The following CNGA1 variants were observed in gnomAD, a reference collection of about 807,000 sequenced individuals.
CNGA1 encodes the protein cyclic nucleotide gated channel subunit alpha 1.
In CNGA1, 53 loss-of-function variants were observed where a neutral mutation model predicts 69.7. The ratio of observed to expected loss-of-function variants is 0.76; its 90% CI spans 0.61 to 0.96. The LOEUF (loss-of-function observed/expected upper bound fraction) is 0.96. Among genes scored for constraint, CNGA1 ranks in the 40% least tolerant of loss-of-function variants. CNGA1 has a pLI of 0.00. For synonymous variants in CNGA1, 249 were observed against 283.5 expected (o/e 0.88, Z 1.22); for missense variants, 739 against 811.2 (o/e 0.91, Z 1.08).
chr4:47,941,953 G>C, intron 9 of CNGA1, 88 bp downstream of exon 9: 2 of 772,118 alleles, frequency 2.6e-6, no homozygotes, highest in Admixed American at 2.1e-5. Flanking sequence ...TGTCCTAAAG[G>C]GCTCTAAGTC....
intron 1 of CNGA1, among the ~76,000 whole-genome samples, chr4:48,013,464 C>T (rs1472942222): frequency 6.6e-6 from 1 of 152,194 alleles, no homozygotes; most frequent in Admixed American, 6.5e-5. Flanking sequence ...TTGGTTCTGT[C>T]TGGAAAGACG....
chr4:47,949,231 T>C (rs1347935162), intron 6 of CNGA1, among the ~76,000 whole-genome samples: 4 of 152,198 alleles, frequency 2.6e-5, no homozygotes, highest in Admixed American at 2.6e-4. Context: ...GAAACCACCA[T>C]GCTCCATCCA....
At chr4:48,016,441 GGCCTCAGTGCA>G in intron 1 of CNGA1, 31 bp downstream of exon 1, 1 of 224,028 alleles carries the variant, frequency 4.5e-6, no homozygotes, top group Non-Finnish European at 8.7e-6. Flanking sequence ...GCCAGAAGGG[GGCCTCAGTGCA>G]GCCTCCACTC....
intron 2 of CNGA1, among the ~76,000 whole-genome samples, chr4:47,983,345 C>G (rs1239808778): frequency 6.6e-6 from 1 of 151,980 alleles, no homozygotes; most frequent in Non-Finnish European, 1.5e-5. Flanking sequence ...AATCCCAGCA[C>G]TTTGGGAGGC....
chr4:48,014,035 C>T (rs369972721), intron 1 of CNGA1, among the ~76,000 whole-genome samples: 2 of 152,220 alleles, frequency 1.3e-5, no homozygotes, highest in African/African-American at 2.4e-5. Context: ...ACCATCACCC[C>T]TGGGTCTAAG....
intron 3 of CNGA1, among the ~76,000 whole-genome samples, chr4:47,959,794 C>T (rs1405486057): frequency 6.6e-6 from 1 of 151,996 alleles, no homozygotes; most frequent in African/African-American, 2.4e-5. Flanking sequence ...TTAGTAGAGT[C>T]GGGGTTTCAC....
intron 2 of CNGA1, among the ~76,000 whole-genome samples, chr4:47,986,043 G>A (rs909309178): frequency 1.3e-5 from 2 of 152,178 alleles, no homozygotes; most frequent in Non-Finnish European, 2.9e-5. Flanking sequence ...GAGCTTTGCA[G>A]CATATTGCTG....
intron 3 of CNGA1, among the ~76,000 whole-genome samples, chr4:47,964,750 T>C (rs1157490233): frequency 6.6e-6 from 1 of 152,124 alleles, no homozygotes; most frequent in Non-Finnish European, 1.5e-5. Flanking sequence ...ATTAAAATCA[T>C]AGAATAAATT....
chr4:47,989,932 A>C (rs934504600), intron 2 of CNGA1, among the ~76,000 whole-genome samples: 1 of 151,704 alleles, frequency 6.6e-6, no homozygotes, highest in Non-Finnish European at 1.5e-5. Context: ...GACATTTATT[A>C]GTTCCCAGAA....
chr4:47,988,311 G>A (rs1001107254), intron 2 of CNGA1, among the ~76,000 whole-genome samples: 1 of 151,994 alleles, frequency 6.6e-6, no homozygotes, highest in Non-Finnish European at 1.5e-5. Context: ...AGGCATTGTA[G>A]GCTTTTTTCT....
At chr4:47,992,757 T>G (rs943083132) in intron 2 of CNGA1, among the ~76,000 whole-genome samples, 1 of 151,980 alleles carries the variant, frequency 6.6e-6, no homozygotes, top group African/African-American at 2.4e-5. Flanking sequence ...GTGGGCATCC[T>G]TGTCTTGTTC....
chr4:48,014,263 G>A (rs1208979490), intron 1 of CNGA1, among the ~76,000 whole-genome samples: 1 of 152,062 alleles, frequency 6.6e-6, no homozygotes, highest in East Asian at 1.9e-4. Context: ...ACAGTGTGTG[G>A]TACTATAACG....
In CNGA1 at chr4:47,955,380, G is replaced by A. The variant is rs1201583554; in HGVS notation, c.-14-2677C>T. Among the ~76,000 whole-genome samples, 5 of 151,654 alleles carry A rather than the reference G, an allele frequency of 3.3e-5. No individual in the cohort carries two copies. In the East Asian group the frequency reaches 7.7e-4, roughly 23 times the overall value. On this transcript the variant is annotated intron_variant, in intron 3 of 10. Coordinates refer to ENST00000514170, the MANE Select transcript of CNGA1 (RefSeq NM_001379270.1). ...GTATTTTTACTAGAGACAGGGTTTC[G>A]CCATGTTGGTCAGGCTGGTCTCCAA... is the stretch of plus-strand genomic sequence containing the variant.
intron 3 of CNGA1, among the ~76,000 whole-genome samples, chr4:47,977,050 T>G (rs1741453082): frequency 6.6e-6 from 1 of 152,186 alleles, no homozygotes; most frequent in East Asian, 1.9e-4. Context: ...GGAAACAGCA[T>G]GTGTAAAAGG....
intron 2 of CNGA1, among the ~76,000 whole-genome samples, chr4:47,997,815 C>A (rs562086016): frequency 6.6e-6 from 1 of 152,200 alleles, no homozygotes; most frequent in East Asian, 1.9e-4. Context: ...ATATTATATT[C>A]AAACATTGCA....
intron 3 of CNGA1, among the ~76,000 whole-genome samples, chr4:47,956,646 A>G (rs950813721): frequency 6.6e-6 from 1 of 152,180 alleles, no homozygotes. Flanking sequence ...TTTTAGATAC[A>G]TGAAGTGCTG....
At chr4:47,950,230 G>A (rs2110155431) in intron 5 of CNGA1, among the ~76,000 whole-genome samples, 1 of 152,226 alleles carries the variant, frequency 6.6e-6, no homozygotes, top group South Asian at 2.1e-4. Context: ...TGAATCATAG[G>A]GGTGGGTGTT....
chr4:47,948,016 T>C (rs1368870773), intron 6 of CNGA1, among the ~76,000 whole-genome samples: 2 of 152,196 alleles, frequency 1.3e-5, no homozygotes, highest in South Asian at 2.1e-4. Flanking sequence ...CCTGACACCA[T>C]GGAAGGGGCA....
At chr4:47,991,760 A>T (rs321627) in intron 2 of CNGA1, among the ~76,000 whole-genome samples, 1 of 152,064 alleles carries the variant, frequency 6.6e-6, no homozygotes, top group South Asian at 2.1e-4. Context: ...GTCTAGAAGG[A>T]TTTTTTCAAT....
Sources: allele counts gnomAD v4.1 joint callset (sites outside exome capture counted in the v4.1 genomes callset), GRCh38; gene constraint gnomAD v4.1.1; transcripts MANE v1.5; gene names NCBI Gene and HGNC (gene_info 2026-07-23, HGNC 2026-07-21).